The following DSE variants were observed in gnomAD, a reference collection of about 807,000 sequenced individuals.
DSE encodes the protein dermatan sulfate epimerase, also known as dermatan-sulfate epimerase.
In DSE, 36 loss-of-function variants were observed where a neutral mutation model predicts 84.4. The observed-to-expected ratio is 0.43, with a 90% CI of 0.33 to 0.56. The LOEUF is 0.56. Ranked by LOEUF, DSE falls within the 20% of genes least tolerant of loss-of-function variation. The probability of loss-of-function intolerance (pLI) is 0.06; values close to 1 mark genes in which losing one functional copy is unlikely to be tolerated. For missense variants in DSE, 862 were observed against 1,169.6 expected, an observed-to-expected ratio of 0.74 and a Z score of 3.84; for synonymous variants, 410 against 430.1, an observed-to-expected ratio of 0.95 and a Z score of 0.58.
At chr6:116,384,496 G>T (rs1266970904) in intron 1 of DSE, among the ~76,000 whole-genome samples, 1 of 152,144 alleles carries the variant, frequency 6.6e-6, no homozygotes, top group Non-Finnish European at 1.5e-5. Flanking sequence ...TTTGTGCCTT[G>T]GGGGAGGCTG....
At chr6:116,379,890 G>T (rs183770551) in intron 1 of DSE, among the ~76,000 whole-genome samples, 3 of 152,208 alleles carry the variant, frequency 2.0e-5, no homozygotes, top group Admixed American at 6.5e-5. Context: ...CTTAAGAAAG[G>T]TTATGTATGG....
At position 116,339,332 on chromosome 6, in the gene DSE, C is replaced by G. The variant is rs549234063; in HGVS notation, c.-53-59866C>G. Among the ~76,000 whole-genome samples, 11 of 150,100 alleles carry G rather than the reference C, an allele frequency of 7.3e-5. No homozygotes were observed. The East Asian group carries it at 1.9e-3, about 27-fold the overall frequency. On this transcript the variant is annotated intron_variant, in intron 2 of 3. Coordinates refer to the DSE transcript ENST00000430252. Reference sequence around the variant, plus strand: ...TTCCTTTCTTTTTTTTTTTTAATCTCATGGTTTATTTCAGTGGAATTGAAA... The same window carrying G: ...TTCCTTTCTTTTTTTTTTTTAATCTGATGGTTTATTTCAGTGGAATTGAAA...
At chr6:116,368,631 G>A (rs567162251), upstream of DSE, among the ~76,000 whole-genome samples, 217 of 152,320 alleles carry the variant, frequency 1.4e-3, 2 homozygotes, top group African/African-American at 5.2e-3. Flanking sequence ...TGCTGCCATG[G>A]AAGCTCCAAG....
At chr6:116,386,425 G>A (rs1475205474) in intron 1 of DSE, among the ~76,000 whole-genome samples, 1 of 152,324 alleles carries the variant, frequency 6.6e-6, no homozygotes, top group East Asian at 1.9e-4. Flanking sequence ...ACAGCCAAAG[G>A]ATACAGATTA....
chr6:116,370,808 T>A (rs947115760), upstream of DSE: 10 of 983,796 alleles, frequency 1.0e-5, no homozygotes, highest in South Asian at 4.2e-4. Flanking sequence ...GGTCCCCGTT[T>A]CCCTCTCCTC....
At position 116,443,561 on chromosome 6, in the gene DSE, T is replaced by G. The variant is rs1425044485; in HGVS notation, c.*6216T>G. The G allele has an allele frequency of 6.6e-6, 1 of 151,992 alleles. No homozygotes were observed. Among genetic ancestry groups the G allele is most frequent in the Non-Finnish European group, 1.5e-5 (1 of 68,008 alleles). The allele number at this position is 151,992 out of a possible 1,614,324, so 9.4% of individuals were successfully genotyped here. On this transcript the variant is annotated 3_prime_UTR_variant, in exon 6 of 6. Transcript: ENST00000644252. The stretch of plus-strand genomic sequence containing the variant: ...CACTCCATTTAATTTAAAAAAGAAA[T>G]AGTTTCAATTATATAAGCATTGTGA...
intron 1 of DSE, among the ~76,000 whole-genome samples, chr6:116,379,399 A>C (rs1583132520): frequency 6.6e-6 from 1 of 152,208 alleles, no homozygotes; most frequent in South Asian, 2.1e-4. Flanking sequence ...GAAAACCTCC[A>C]AAGTTATCTT....
At chr6:116,421,319 C>T (rs1783056375) in intron 2 of DSE, among the ~76,000 whole-genome samples, 1 of 151,096 alleles carries the variant, frequency 6.6e-6, no homozygotes, top group Non-Finnish European at 1.5e-5. Flanking sequence ...CAAAGTTTAC[C>T]ATATTAGAAA....
intron 2 of DSE, among the ~76,000 whole-genome samples, chr6:116,303,089 T>G (rs1359915103): frequency 6.6e-6 from 1 of 152,204 alleles, no homozygotes; most frequent in Non-Finnish European, 1.5e-5. Context: ...TTCTCTTCTC[T>G]GGCCACAGTT....
At chr6:116,404,896 T>C (rs1289091085) in intron 2 of DSE, among the ~76,000 whole-genome samples, 1 of 152,010 alleles carries the variant, frequency 6.6e-6, no homozygotes, top group South Asian at 2.1e-4. Flanking sequence ...ATTACTTCAC[T>C]CTTGCATTGG....
At chr6:116,371,573 G>T (rs1779578343) in intron 1 of DSE, among the ~76,000 whole-genome samples, 1 of 152,220 alleles carries the variant, frequency 6.6e-6, no homozygotes, top group African/African-American at 2.4e-5. Context: ...TTGGGGGCAG[G>T]GGAGGTGGCG....
At chr6:116,268,106 C>T (rs528803618) in intron 2 of DSE, among the ~76,000 whole-genome samples, 1 of 152,300 alleles carries the variant, frequency 6.6e-6, no homozygotes, top group Admixed American at 6.5e-5. Flanking sequence ...CACTGACTCA[C>T]CCAGATCAAC....
intron 2 of DSE, among the ~76,000 whole-genome samples, chr6:116,332,199 ATATTT>A (rs1157021108): frequency 4.6e-5 from 7 of 152,344 alleles, no homozygotes; most frequent in African/African-American, 1.4e-4. Context: ...CTAAAAATAA[ATATTT>A]TAGCAGTTGT....
intron 1 of DSE, among the ~76,000 whole-genome samples, 187 bp downstream of exon 1, chr6:116,371,308 C>T (rs1001281042): frequency 6.6e-6 from 1 of 152,206 alleles, no homozygotes; most frequent in African/African-American, 2.4e-5. Flanking sequence ...GAGAGAGCGC[C>T]TGACGCGTGA....
intron 2 of DSE, among the ~76,000 whole-genome samples, chr6:116,275,766 G>C (rs1267964715): frequency 2.7e-5 from 4 of 147,508 alleles, no homozygotes; most frequent in Non-Finnish European, 5.9e-5. Context: ...CGCCACTTGC[G>C]CTCCAGCCTG....
chr6:116,358,687 G>C (rs1583083871), intron 2 of DSE, among the ~76,000 whole-genome samples: 1 of 152,178 alleles, frequency 6.6e-6, no homozygotes, highest in Non-Finnish European at 1.5e-5. Context: ...GACAAACAAA[G>C]ATAGTGTATT....
intron 2 of DSE, among the ~76,000 whole-genome samples, chr6:116,269,027 AAAG>A (rs1450174392): frequency 1.3e-5 from 2 of 151,368 alleles, no homozygotes; most frequent in African/African-American, 2.4e-5. Flanking sequence ...TTAAAAAAAA[AAAG>A]AAAAAAAAAA....
intron 3 of DSE, among the ~76,000 whole-genome samples, chr6:116,427,790 C>T (rs1783544058): frequency 6.6e-6 from 1 of 152,232 alleles, no homozygotes; most frequent in African/African-American, 2.4e-5. Flanking sequence ...TTATCTCTGT[C>T]AGAAGGGGAA....
chr6:116,433,578 A>C, intron 5 of DSE, 28 bp downstream of exon 5: 15 of 1,582,594 alleles, frequency 9.5e-6, no homozygotes, highest in Non-Finnish European at 1.3e-5. Context: ...AGCTTTAAAG[A>C]GAAATGGTAC....
Sources: allele counts gnomAD v4.1 joint callset (sites outside exome capture counted in the v4.1 genomes callset), GRCh38; gene constraint gnomAD v4.1.1; transcripts MANE v1.5; gene names NCBI Gene and HGNC (gene_info 2026-07-23, HGNC 2026-07-21).